Variants in CLVS1 observed in about 807,000 individuals in gnomAD.
CLVS1 encodes clavesin 1.
Under a neutral mutation model 33.1 loss-of-function variants are expected in CLVS1, and 10 were observed. That is an observed-to-expected ratio of 0.30 (90% CI 0.19 to 0.51). CLVS1 has a LOEUF of 0.51. Among genes scored for constraint, CLVS1 ranks in the 20% least tolerant of loss-of-function variants. CLVS1 has a pLI of 0.97. For missense variants in CLVS1, 343 were observed against 433.4 expected, an observed-to-expected ratio of 0.79 and a Z score of 1.85; for synonymous variants, 163 against 166.1, an observed-to-expected ratio of 0.98 and a Z score of 0.14.
At chr8:61,444,752 TG>T (rs1176106161) in intron 3 of CLVS1, among the ~76,000 whole-genome samples, 1 of 152,156 alleles carries the variant, frequency 6.6e-6, no homozygotes, top group African/African-American at 2.4e-5. Flanking sequence ...TAGGAAAGAA[TG>T]GGTAAGGCTG....
At chr8:61,493,716 T>C (rs1804175442) in intron 5 of CLVS1, among the ~76,000 whole-genome samples, 1 of 152,256 alleles carries the variant, frequency 6.6e-6, no homozygotes, top group Admixed American at 6.5e-5. Context: ...AGCCTTTACA[T>C]AGGCTCACTA....
intron 3 of CLVS1, among the ~76,000 whole-genome samples, chr8:61,421,496 A>G (rs1246819393): frequency 6.6e-6 from 1 of 152,128 alleles, no homozygotes; most frequent in Non-Finnish European, 1.5e-5. Flanking sequence ...GATGAAAGCA[A>G]TCCCTATCAC....
intron 3 of CLVS1, among the ~76,000 whole-genome samples, chr8:61,438,565 A>T (rs1816429612): frequency 6.6e-6 from 1 of 152,162 alleles, no homozygotes; most frequent in South Asian, 2.1e-4. Context: ...TACTGAGTCA[A>T]ATGGTATTTC....
intron 2 of CLVS1, among the ~76,000 whole-genome samples, chr8:61,355,792 T>A (rs547191061): frequency 0.011 from 1,695 of 152,336 alleles, 26 homozygotes; most frequent in African/African-American, 0.037. Context: ...ATGTGCCACA[T>A]TTTCTTAATC....
chr8:61,341,449 C>T lies in CLVS1; in HGVS notation c.456-35156C>T, dbSNP rs1197303412. On this transcript the variant is annotated intron_variant, in intron 2 of 5. Coordinates refer to ENST00000325897, the MANE Select transcript of CLVS1 (RefSeq NM_173519.3). ...GGCTGTTCTTTCTCTTTTGGGGACA[C>T]TTGTGAATATGCATGTCCCAAATCA... Among the ~76,000 whole-genome samples the T allele has an allele frequency of 2.6e-5, 4 of 152,318 alleles. No individual in the cohort carries two copies. The East Asian group carries it at 7.7e-4, about 29-fold the overall frequency.
chr8:61,076,870 A>G (rs1274158728), intron 1 of CLVS1, among the ~76,000 whole-genome samples: 1 of 152,186 alleles, frequency 6.6e-6, no homozygotes, highest in Non-Finnish European at 1.5e-5. Flanking sequence ...CATTTAATGC[A>G]ATGGTATATT....
intron 1 of CLVS1, among the ~76,000 whole-genome samples, chr8:61,119,048 G>T (rs1163233922): frequency 1.3e-5 from 2 of 152,172 alleles, no homozygotes. Context: ...TTATGAATTT[G>T]GGTGCTCCTG....
chr8:61,012,017 C>T, the CLVS1 span, among the ~76,000 whole-genome samples: 2 of 152,202 alleles, frequency 1.3e-5, no homozygotes, highest in Non-Finnish European at 2.9e-5. Context: ...TGGCAAGGCA[C>T]ACCTTTTAGC....
intron 2 of CLVS1, among the ~76,000 whole-genome samples, chr8:61,333,021 C>G (rs545011466): frequency 6.6e-6 from 1 of 152,176 alleles, no homozygotes; most frequent in Non-Finnish European, 1.5e-5. Flanking sequence ...GTTTTGTTTC[C>G]ATTTTCCCAT....
At chr8:61,443,180 G>C (rs1816631453) in intron 3 of CLVS1, among the ~76,000 whole-genome samples, 1 of 152,132 alleles carries the variant, frequency 6.6e-6, no homozygotes, top group African/African-American at 2.4e-5. Context: ...TCAGTCTACA[G>C]TTTTTGCTTT....
intron 5 of CLVS1, among the ~76,000 whole-genome samples, chr8:61,475,403 G>T (rs1436246629): frequency 6.6e-6 from 1 of 152,208 alleles, no homozygotes; most frequent in African/African-American, 2.4e-5. Context: ...CTAGTTTAGA[G>T]TCCCACCAAC....
intron 2 of CLVS1, among the ~76,000 whole-genome samples, chr8:61,227,472 C>A (rs936942861): frequency 6.6e-6 from 1 of 152,084 alleles, no homozygotes; most frequent in Non-Finnish European, 1.5e-5. Flanking sequence ...TCATTATAAG[C>A]ATTTTGTCAC....
chr8:61,053,280 G>T (rs1489112317), upstream of CLVS1, among the ~76,000 whole-genome samples: 4 of 152,202 alleles, frequency 2.6e-5, no homozygotes, highest in Non-Finnish European at 5.9e-5. Context: ...TACCACTGGA[G>T]TGCAGGTAGA....
chr8:61,487,410 C>T (rs1168843560), intron 5 of CLVS1, among the ~76,000 whole-genome samples: 1 of 152,318 alleles, frequency 6.6e-6, no homozygotes, highest in South Asian at 2.1e-4. Context: ...TACCTCAGAT[C>T]ACAGAGCTAG....
At chr8:61,317,464 A>G (rs946133962) in intron 2 of CLVS1, among the ~76,000 whole-genome samples, 9 of 152,156 alleles carry the variant, frequency 5.9e-5, no homozygotes, top group African/African-American at 2.2e-4. Flanking sequence ...CACATCTTCA[A>G]TTTTTATCCC....
At chr8:61,417,035 G>A (rs1437234795) in intron 3 of CLVS1, among the ~76,000 whole-genome samples, 1 of 152,150 alleles carries the variant, frequency 6.6e-6, no homozygotes, top group East Asian at 1.9e-4. Flanking sequence ...GGTGACACAG[G>A]AATGGAGAAG....
intron 2 of CLVS1, among the ~76,000 whole-genome samples, chr8:61,139,855 A>T (rs940984130): frequency 6.6e-6 from 1 of 151,790 alleles, no homozygotes; most frequent in Non-Finnish European, 1.5e-5. Context: ...GCCGTCGCAG[A>T]TTCCTGGGCG....
At chr8:61,140,168 C>A (rs920739290) in intron 2 of CLVS1, among the ~76,000 whole-genome samples, 5 of 152,196 alleles carry the variant, frequency 3.3e-5, no homozygotes, top group African/African-American at 1.2e-4. Context: ...CCTTCAGACC[C>A]ATTAAATAAT....
At chr8:61,376,919 G>A in intron 3 of CLVS1, 140 bp downstream of exon 3, 1 of 693,384 alleles carries the variant, frequency 1.4e-6, no homozygotes. Flanking sequence ...CCATGTTTTT[G>A]CCTCAGCCAG....
Sources: gnomAD v4.1 joint callset for allele counts (sites outside exome capture counted in the v4.1 genomes callset) on GRCh38, gnomAD v4.1.1 for gene constraint, MANE v1.5 for transcripts, NCBI Gene and HGNC (gene_info 2026-07-23, HGNC 2026-07-21) for gene names.